The following RASSF3 variants were observed in gnomAD, a reference collection of about 807,000 sequenced individuals.
The protein encoded by RASSF3 is ras association domain-containing protein 3.
RASSF3 carries 19 observed loss-of-function variants against 19.9 expected under a neutral mutation model. The ratio of observed to expected loss-of-function variants is 0.96; its 90% CI spans 0.67 to 1.40. RASSF3 has a LOEUF of 1.40. Among genes scored for constraint, RASSF3 ranks in the 40% most tolerant of loss-of-function variants. The probability of loss-of-function intolerance (pLI) is 0.00; values close to 1 mark genes in which losing one functional copy is unlikely to be tolerated. For synonymous variants in RASSF3, 110 were observed against 104.2 expected (o/e 1.06, Z -0.34); for missense variants, 306 against 289.8 (o/e 1.06, Z -0.41).
At chr12:64,694,179 G>A (rs1449686055) in intron 4 of RASSF3, among the ~76,000 whole-genome samples, 1 of 152,146 alleles carries the variant, frequency 6.6e-6, no homozygotes, top group African/African-American at 2.4e-5. Context: ...CTAAGCAGGG[G>A]AGAGTCTTGG....
intron 2 of RASSF3, among the ~76,000 whole-genome samples, chr12:64,587,205 C>T (rs917760142): frequency 3.3e-5 from 5 of 151,670 alleles, no homozygotes; most frequent in Non-Finnish European, 7.4e-5. Context: ...CAGGCATGCA[C>T]CACCATGCCC....
chr12:64,686,067 T>G (rs1262839576), intron 2 of RASSF3, among the ~76,000 whole-genome samples: 1 of 152,008 alleles, frequency 6.6e-6, no homozygotes, highest in East Asian at 1.9e-4. Context: ...CTGGTAGAAC[T>G]CCTCCAAAAA....
At chr12:64,677,356 C>T (rs1005269154) in intron 1 of RASSF3, among the ~76,000 whole-genome samples, 12 of 152,202 alleles carry the variant, frequency 7.9e-5, no homozygotes, top group African/African-American at 2.9e-4. Context: ...AGAAAACGTT[C>T]TGGGCTCCCT....
intron 2 of RASSF3, among the ~76,000 whole-genome samples, chr12:64,585,353 A>G (rs1222447387): frequency 2.0e-5 from 3 of 152,184 alleles, no homozygotes; most frequent in Non-Finnish European, 4.4e-5. Flanking sequence ...AGGGAGGCTG[A>G]CGACCTAGGG....
At chr12:64,569,967 AAACAAC>A (rs533387498) in intron 2 of RASSF3, among the ~76,000 whole-genome samples, 591 of 152,274 alleles carry the variant, frequency 3.9e-3, no homozygotes, top group African/African-American at 0.012. Flanking sequence ...CTCTGTCTCA[AAACAAC>A]AACAACAACA....
At chr12:64,579,343 G>GTTT (rs1213843199) in intron 2 of RASSF3, among the ~76,000 whole-genome samples, 4 of 126,394 alleles carry the variant, frequency 3.2e-5, no homozygotes, top group African/African-American at 1.2e-4. Context: ...CAATAGCCAA[G>GTTT]TTCTTTTTTT....
At chr12:64,571,346 T>A (rs947379006) in intron 2 of RASSF3, among the ~76,000 whole-genome samples, 1 of 152,138 alleles carries the variant, frequency 6.6e-6, no homozygotes, top group Non-Finnish European at 1.5e-5. Flanking sequence ...AGAGGGGCTG[T>A]CGCTTTTTCA....
In RASSF3 at chr12:64,688,453, G is replaced by T; in HGVS notation, c.457G>T (p.Val153Phe). 1 of 1,604,822 alleles carries T rather than the reference G, an allele frequency of 6.2e-7. No homozygotes were observed. Among genetic ancestry groups the T allele is most frequent in the Non-Finnish European group, 8.5e-7 (1 of 1,171,492 alleles). Residue 153 changes from valine (V) to phenylalanine (F), a missense_variant and splice_region_variant, in exon 3 of 5, where the codon GTC becomes TTC. Val to Phe is a conservative substitution (Grantham distance 50). Coordinates refer to ENST00000542104, the MANE Select transcript of RASSF3 (RefSeq NM_178169.4). ...TAAGCGTTGTCACAGGGAAGACCAA[G>T]GTACGCTGCCAGCTTAAAAGGAAAA... ...LYKRCHREDQ[V>F]YACKLSDREH...
rs1244871 is a variant in RASSF3, at chr12:64,680,693, G to C, written c.112-4094G>C. 2.4e-4 allele frequency among the ~76,000 whole-genome samples: 36 copies of C among 151,814 alleles called. 1 individual carries two copies. Among genetic ancestry groups the C allele is most frequent in the East Asian group, 1.8e-3 (9 of 5,130 alleles). On this transcript the variant is annotated intron_variant, in intron 1 of 4. Coordinates refer to ENST00000542104, the MANE Select transcript of RASSF3 (RefSeq NM_178169.4). The stretch of plus-strand genomic sequence containing the variant: ...CAATGGCGTGATCTCGGCTTACTGC[G>C]ATCTCCGCCTCCCGGTTTCAAGCGA...
At chr12:64,687,943 A>G (rs1177354567) in intron 2 of RASSF3, among the ~76,000 whole-genome samples, 1 of 151,594 alleles carries the variant, frequency 6.6e-6, no homozygotes, top group African/African-American at 2.4e-5. Flanking sequence ...CTTCAGAGGC[A>G]TGAGTCTGGG....
intron 1 of RASSF3, among the ~76,000 whole-genome samples, chr12:64,535,627 A>G (rs1006511275): frequency 6.6e-6 from 1 of 151,752 alleles, no homozygotes; most frequent in African/African-American, 2.4e-5. Context: ...TGACCTCCCA[A>G]AGTGCTGGGA....
At chr12:64,543,735 G>A (rs1419088667), downstream of RASSF3, among the ~76,000 whole-genome samples, 1 of 151,394 alleles carries the variant, frequency 6.6e-6, no homozygotes, top group African/African-American at 2.4e-5. Context: ...GTGAGGACTT[G>A]GAGAACCTTT....
At chr12:64,636,865 C>CAAAAAA (rs762865541) in intron 1 of RASSF3, among the ~76,000 whole-genome samples, 1 of 63,522 alleles carries the variant, frequency 1.6e-5, no homozygotes, top group Non-Finnish European at 3.0e-5. Flanking sequence ...AACTCCGTCT[C>CAAAAAA]AAAAAAAAAA....
intron 1 of RASSF3, chr12:64,507,559 G>A (rs1197890409): frequency 6.0e-6 from 2 of 334,304 alleles, no homozygotes; most frequent in Non-Finnish European, 1.1e-5. Flanking sequence ...CAATCCAATT[G>A]TATGCTTTTT....
At chr12:64,515,879 A>G (rs971709526) in intron 1 of RASSF3, among the ~76,000 whole-genome samples, 2 of 152,112 alleles carry the variant, frequency 1.3e-5, no homozygotes, top group Non-Finnish European at 2.9e-5. Context: ...CTAGAAACAC[A>G]TGTCTTTCAG....
At chr12:64,660,268 T>C (rs1424990676) in intron 1 of RASSF3, among the ~76,000 whole-genome samples, 2 of 152,050 alleles carry the variant, frequency 1.3e-5, no homozygotes, top group Non-Finnish European at 2.9e-5. Context: ...AATTCTTTGT[T>C]TTTTCAAGAA....
rs1868337021 is a variant in RASSF3, at chr12:64,695,174, G to A, written c.*262G>A. The A allele has an allele frequency of 5.3e-6, 2 of 374,000 alleles. No individual in the cohort carries two copies. The highest frequency in any genetic ancestry group is 2.0e-5 in the African/African-American group (1 of 49,694). The allele number at this position is 374,000 out of a possible 1,614,324, so 23.2% of individuals were successfully genotyped here. On this transcript the variant is annotated 3_prime_UTR_variant, in exon 5 of 5. Coordinates refer to ENST00000542104, the MANE Select transcript of RASSF3 (RefSeq NM_178169.4). Reference sequence around the variant, plus strand: ...ACCTGTCGCCTCATCAGGAGCATTCGAGGGTGCTTGGAAGCATGAACTCTG... The same window carrying A: ...ACCTGTCGCCTCATCAGGAGCATTCAAGGGTGCTTGGAAGCATGAACTCTG...
At chr12:64,542,908 T>A (rs1555208236), downstream of RASSF3, among the ~76,000 whole-genome samples, 2 of 152,066 alleles carry the variant, frequency 1.3e-5, no homozygotes, top group Non-Finnish European at 2.9e-5. Flanking sequence ...GGCGGCTCCC[T>A]CAGTCTGCAG....
At chr12:64,693,053 CTT>C (rs1257834925) in intron 4 of RASSF3, among the ~76,000 whole-genome samples, 1 of 151,704 alleles carries the variant, frequency 6.6e-6, no homozygotes, top group East Asian at 1.9e-4. Context: ...ATTTTGGAGA[CTT>C]CAACATAGGT....
Sources: allele counts gnomAD v4.1 joint callset (sites outside exome capture counted in the v4.1 genomes callset), GRCh38; gene constraint gnomAD v4.1.1; transcripts MANE v1.5; gene names NCBI Gene and HGNC (gene_info 2026-07-23, HGNC 2026-07-21).